The following ARHGAP17 variants were observed in gnomAD, a reference collection of about 807,000 sequenced individuals.
ARHGAP17 encodes rho GTPase-activating protein 17.
Under a neutral mutation model 99.5 loss-of-function variants are expected in ARHGAP17, and 57 were observed. The observed-to-expected ratio is 0.57, with a 90% CI of 0.46 to 0.71. The LOEUF is 0.71. Ranked by LOEUF, ARHGAP17 falls within the 30% of genes least tolerant of loss-of-function variation. The probability of loss-of-function intolerance (pLI) is 0.00; values close to 1 mark genes in which losing one functional copy is unlikely to be tolerated. For synonymous variants in ARHGAP17, 417 were observed against 429.6 expected, an observed-to-expected ratio of 0.97 and a Z score of 0.36; for missense variants, 1,000 against 1,122.4, an observed-to-expected ratio of 0.89 and a Z score of 1.56.
intron 1 of ARHGAP17, among the ~76,000 whole-genome samples, chr16:25,002,386 C>T (rs1221706132): frequency 6.6e-6 from 1 of 152,190 alleles, no homozygotes; most frequent in Non-Finnish European, 1.5e-5. Flanking sequence ...CATCACCTCT[C>T]TGAGCCTACT....
At chr16:24,937,678 T>G (rs1191435370) in intron 17 of ARHGAP17, among the ~76,000 whole-genome samples, 1 of 152,190 alleles carries the variant, frequency 6.6e-6, no homozygotes, top group Non-Finnish European at 1.5e-5. Flanking sequence ...AATTCAGGAA[T>G]GCACAAAGCA....
rs372594260 is a variant in ARHGAP17, at chr16:24,943,870, G to A, written c.1242-8C>T. 29 of 1,613,304 alleles carry A rather than the reference G, an allele frequency of 1.8e-5. No homozygotes were observed. The African/African-American group carries it at 3.5e-4, about 19-fold the overall frequency. ...GCCATTTCAGCAAGTGTTCTGCAAA[G>A]CAAGTTCACAAAATTAAAATACTTC... On this transcript the variant is annotated splice_region_variant and splice_polypyrimidine_tract_variant and intron_variant, in intron 14 of 19. Transcript: ENST00000289968.
chr16:25,010,349 C>T (rs1215986858), intron 1 of ARHGAP17, among the ~76,000 whole-genome samples: 1 of 152,194 alleles, frequency 6.6e-6, no homozygotes, highest in East Asian at 1.9e-4. Flanking sequence ...GTCAGGATTA[C>T]AGGCGTGAGC....
At chr16:24,938,937 GAATC>G (rs10571151) in intron 17 of ARHGAP17, among the ~76,000 whole-genome samples, 8,623 of 152,186 alleles carry the variant, frequency 0.057, 800 homozygotes, top group African/African-American at 0.2. Flanking sequence ...CTGTTTCACT[GAATC>G]AATCAACGAA....
chr16:24,971,353 A>G (rs1365173366), intron 3 of ARHGAP17, among the ~76,000 whole-genome samples: 5 of 145,664 alleles, frequency 3.4e-5, no homozygotes, highest in Admixed American at 6.9e-5. Flanking sequence ...TTTTTGAGGC[A>G]GAGTCTTGCT....
chr16:24,927,250 G>T (rs1192501847), intron 19 of ARHGAP17, among the ~76,000 whole-genome samples: 2 of 152,168 alleles, frequency 1.3e-5, no homozygotes, highest in African/African-American at 4.8e-5. Context: ...AACTGTAACT[G>T]GCTAACAGAA....
chr16:24,932,654 C>A (rs2051027168), intron 18 of ARHGAP17, among the ~76,000 whole-genome samples: 1 of 152,104 alleles, frequency 6.6e-6, no homozygotes, highest in Non-Finnish European at 1.5e-5. Context: ...ATGAATAAAT[C>A]TGGAAGAGTT....
chr16:24,970,407 A>G, intron 4 of ARHGAP17, 100 bp downstream of exon 4: 2 of 1,129,510 alleles, frequency 1.8e-6, no homozygotes, highest in South Asian at 2.6e-5. Flanking sequence ...CATGCCATCA[A>G]CGCTCACAGT....
chr16:24,959,677 G>A lies in ARHGAP17; in HGVS notation c.718C>T (p.His240Tyr). The change falls in exon 9 of 20, where the codon CAT becomes TAT. Residue 240 changes from histidine (H) to tyrosine (Y), a missense_variant. By Grantham distance (83) the His-to-Tyr change is moderately conservative. Transcript: ENST00000289968. Reference sequence around the variant, plus strand: ...CGCACGCGGGTTACATTACCTTGATGGGCTCGCATTTCGGGGAGGGTCTTT... The same window carrying A: ...CGCACGCGGGTTACATTACCTTGATAGGCTCGCATTTCGGGGAGGGTCTTT... ...LEKTLPEMRA[H>Y]QDKWAEKPAF... is the part of the protein sequence containing the mutation. 1 of 1,613,926 alleles carries A rather than the reference G, an allele frequency of 6.2e-7. No homozygotes were observed.
At chr16:24,938,370 A>G (rs959579249) in intron 17 of ARHGAP17, among the ~76,000 whole-genome samples, 4 of 152,098 alleles carry the variant, frequency 2.6e-5, no homozygotes, top group Non-Finnish European at 4.4e-5. Flanking sequence ...TCAAAAAAAA[A>G]AACCTCAAGT....
At chr16:24,982,986 ATATATATATATTTTTTTTTT>A (rs1172539437) in intron 1 of ARHGAP17, among the ~76,000 whole-genome samples, 75 of 28,940 alleles carry the variant, frequency 2.6e-3, no homozygotes, top group Non-Finnish European at 4.0e-3. Context: ...ATATATATAT[ATATATATATATTTTTTTTTT>A]TTTTTTTTTT....
Position 24,952,967 on chromosome 16 carries a change from G to A in ARHGAP17, c.928C>T (p.Leu310=), listed in dbSNP as rs780800430. The change falls in exon 11 of 20, where the codon CTG becomes TTG. Residue 310 remains leucine, a synonymous_variant. Transcript: ENST00000289968. ...TGGGGGTCTGAATAGAACTCATCCA[G>A]GTGAGAAGTAGAACAGTCCAAAGCA... is the stretch of plus-strand genomic sequence containing the variant. ...KAALDCSTSH[L]DEFYSDPHAV... 63 of 1,614,176 alleles carry A rather than the reference G, an allele frequency of 3.9e-5. No homozygotes were observed. The highest frequency in any genetic ancestry group is 5.3e-5 in the Non-Finnish European group (63 of 1,180,014).
chr16:24,935,442 G>C, intron 18 of ARHGAP17, 28 bp downstream of exon 18: 3 of 1,560,468 alleles, frequency 1.9e-6, no homozygotes, highest in Non-Finnish European at 2.6e-6. Context: ...AGGCTTCCCT[G>C]AGGGCAAGGA....
At chr16:24,959,884 A>C (rs1316163795) in intron 8 of ARHGAP17, 27 bp downstream of exon 8, 1 of 1,610,672 alleles carries the variant, frequency 6.2e-7, no homozygotes, top group Admixed American at 1.7e-5. Flanking sequence ...ACAATGCTTT[A>C]ACATTTTCTC....
At chr16:24,944,526 T>C (rs181377266) in intron 14 of ARHGAP17, among the ~76,000 whole-genome samples, 1 of 152,334 alleles carries the variant, frequency 6.6e-6, no homozygotes, top group Admixed American at 6.5e-5. Context: ...GTGGTAGCTA[T>C]GTTCTAAGAC....
At chr16:24,954,579 A>G (rs368208087) in intron 10 of ARHGAP17, 24 bp downstream of exon 10, 1 of 1,605,124 alleles carries the variant, frequency 6.2e-7, no homozygotes, top group Non-Finnish European at 8.5e-7. Flanking sequence ...GACTTGGTGC[A>G]CAGGATCACG....
In ARHGAP17 at chr16:24,978,302, G is replaced by A. The variant is rs555190403; in HGVS notation, c.93+664C>T. ...ACTGATTTCTCCCAGTGCCTGGGAC[G>A]TTATCTTTCACAGAAACAGAAGGTG... On this transcript the variant is annotated intron_variant, in intron 2 of 19. Coordinates refer to ENST00000289968, the MANE Select transcript of ARHGAP17 (RefSeq NM_001006634.3). 9.2e-5 allele frequency among the ~76,000 whole-genome samples: 14 copies of A among 152,308 alleles called. No homozygotes were observed. In the East Asian group the frequency reaches 1.7e-3, roughly 19 times the overall value.
chr16:24,920,149 G>T lies in ARHGAP17; in HGVS notation c.2627C>A (p.Thr876Asn), dbSNP rs774556284. The T allele has an allele frequency of 6.2e-7, 1 of 1,614,094 alleles. No individual in the cohort carries two copies. Among genetic ancestry groups the T allele is most frequent in the Non-Finnish European group, 8.5e-7 (1 of 1,179,990 alleles). The change falls in exon 20 of 20, where the codon ACC becomes AAC. Residue 876 changes from threonine (T) to asparagine (N), a missense_variant. Thr to Asn is a moderately conservative substitution (Grantham distance 65, BLOSUM62 0). Around this residue, in one of 2 missense-constraint regions of ARHGAP17, gnomAD observed 528 missense variants for 511.4 expected, o/e 1.03. Coordinates refer to ENST00000289968, the MANE Select transcript of ARHGAP17 (RefSeq NM_001006634.3). ...GRILLDIDND[T>N]ESTAL Reference sequence around the variant, plus strand: ...CTTTCTTCACAGGGCAGTGCTCTCGGTATCATTGTCTATATCCAGCAGGAT... The same window carrying T: ...CTTTCTTCACAGGGCAGTGCTCTCGTTATCATTGTCTATATCCAGCAGGAT...
In ARHGAP17 at chr16:24,959,632, G is replaced by A. The variant is rs754384836; in HGVS notation, c.724+39C>T. The A allele has an allele frequency of 3.1e-6, 5 of 1,596,174 alleles. No homozygotes were observed. The Admixed American group carries it at 6.8e-5, about 22-fold the overall frequency. On this transcript the variant is annotated intron_variant, in intron 9 of 19. Transcript: ENST00000289968. ...GAAGAACCCAGGCAGAGGTGGCAGA[G>A]GCAAGAAGGAAGCATCAGCCGCACG... is the stretch of plus-strand genomic sequence containing the variant.
Sources: allele counts gnomAD v4.1 joint callset (sites outside exome capture counted in the v4.1 genomes callset), GRCh38; gene constraint gnomAD v4.1.1; regional missense constraint gnomAD v4.1.1; transcripts MANE v1.5; gene names NCBI Gene and HGNC (gene_info 2026-07-23, HGNC 2026-07-21).